The following MAPK4 variants were observed in gnomAD, a reference collection of about 807,000 sequenced individuals.
MAPK4 encodes the protein mitogen-activated protein kinase 4.
In MAPK4, 22 loss-of-function variants were observed where a neutral mutation model predicts 47.7. That is an observed-to-expected ratio of 0.46 (90% CI 0.33 to 0.66). The LOEUF is 0.66. Among genes scored for constraint, MAPK4 ranks in the 30% least tolerant of loss-of-function variants. The probability of loss-of-function intolerance (pLI) is 0.02; values close to 1 mark genes in which losing one functional copy is unlikely to be tolerated. For missense variants in MAPK4, 736 were observed against 831.7 expected, an observed-to-expected ratio of 0.88 and a Z score of 1.42; for synonymous variants, 390 against 365.7, an observed-to-expected ratio of 1.07 and a Z score of -0.76.
At chr18:50,714,495 T>G (rs1223124446) in intron 2 of MAPK4, among the ~76,000 whole-genome samples, 1 of 152,158 alleles carries the variant, frequency 6.6e-6, no homozygotes, top group Non-Finnish European at 1.5e-5. Flanking sequence ...CTGTGTCCAC[T>G]TTGTTGTTCA....
At position 50,729,937 on chromosome 18, in the gene MAPK4, G is replaced by T. The variant is rs1290082089; in HGVS notation, c.*83G>T. ...CTGGCAGGAGGCGGCCGCCCTTCCC[G>T]CCCCTCTCTGCTGCCTTGGGGTTGG... On this transcript the variant is annotated 3_prime_UTR_variant, in exon 6 of 6. Transcript: ENST00000400384. The T allele has an allele frequency of 5.9e-6, 8 of 1,365,814 alleles. No homozygotes were observed. Among genetic ancestry groups the T allele is most frequent in the Non-Finnish European group, 7.8e-6 (8 of 1,021,418 alleles). The allele number at this position is 1,365,814 out of a possible 1,614,324, so 84.6% of individuals were successfully genotyped here. A position where few individuals can be genotyped will look rare whatever the true frequency, so the allele number is the denominator to read the frequency against.
chr18:50,704,508 GTCTC>G (rs1909949393), intron 2 of MAPK4: 1 of 398,448 alleles, frequency 2.5e-6, no homozygotes, highest in South Asian at 1.3e-4. Flanking sequence ...AATCATGTGT[GTCTC>G]TCTCTTATTT....
At chr18:50,681,106 G>A (rs1484527853) in intron 2 of MAPK4, among the ~76,000 whole-genome samples, 1 of 151,934 alleles carries the variant, frequency 6.6e-6, no homozygotes, top group Non-Finnish European at 1.5e-5. Flanking sequence ...CCATCCTAGT[G>A]GATGTGAAGT....
chr18:50,715,533 G>A (rs1191962157), intron 3 of MAPK4, among the ~76,000 whole-genome samples: 2 of 152,146 alleles, frequency 1.3e-5, no homozygotes, highest in South Asian at 2.1e-4. Context: ...ATGCTATTAG[G>A]AGGTGGAGCC....
chr18:50,572,161 T>G (rs1351670582), intron 1 of MAPK4, among the ~76,000 whole-genome samples: 2 of 152,330 alleles, frequency 1.3e-5, no homozygotes, highest in South Asian at 2.1e-4. Context: ...AAGAGGGCTT[T>G]AACGACCCAG....
intron 2 of MAPK4, among the ~76,000 whole-genome samples, chr18:50,671,331 G>A (rs541006110): frequency 1.3e-5 from 2 of 152,196 alleles, no homozygotes; most frequent in Non-Finnish European, 1.5e-5. Flanking sequence ...ACAATTAGGT[G>A]ATACGAACAA....
intron 3 of MAPK4, among the ~76,000 whole-genome samples, chr18:50,716,544 C>G (rs1910644503): frequency 6.6e-6 from 1 of 152,196 alleles, no homozygotes; most frequent in Non-Finnish European, 1.5e-5. Flanking sequence ...TGTTCCAAAC[C>G]ACCGTTGGTA....
chr18:50,689,496 G>C (rs970593289), intron 2 of MAPK4, among the ~76,000 whole-genome samples: 2 of 152,172 alleles, frequency 1.3e-5, no homozygotes, highest in Non-Finnish European at 2.9e-5. Context: ...GATGGGCAGG[G>C]GGAATAGATG....
intron 1 of MAPK4, among the ~76,000 whole-genome samples, chr18:50,566,144 A>G (rs1258716623): frequency 1.3e-5 from 2 of 152,260 alleles, no homozygotes; most frequent in African/African-American, 2.4e-5. Flanking sequence ...AGATTTAACA[A>G]AAATTAAAAA....
At chr18:50,595,016 G>C (rs1474000394) in intron 1 of MAPK4, among the ~76,000 whole-genome samples, 1 of 152,194 alleles carries the variant, frequency 6.6e-6, no homozygotes, top group Non-Finnish European at 1.5e-5. Context: ...ACTATTCACA[G>C]CCACTAGAAT....
intron 1 of MAPK4, among the ~76,000 whole-genome samples, chr18:50,623,905 G>T (rs2042753736): frequency 6.6e-6 from 1 of 152,220 alleles, no homozygotes; most frequent in African/African-American, 2.4e-5. Context: ...TTCTGCCCCA[G>T]GGCCTTTGCA....
chr18:50,572,404 G>T (rs1370482), intron 1 of MAPK4, among the ~76,000 whole-genome samples: 55,011 of 151,934 alleles, frequency 0.36, 10,294 homozygotes, highest in African/African-American at 0.47. Context: ...AGGTCATTAT[G>T]AAGTTTGTTG....
At chr18:50,598,320 A>C (rs746396214) in intron 1 of MAPK4, among the ~76,000 whole-genome samples, 1 of 152,106 alleles carries the variant, frequency 6.6e-6, no homozygotes, top group Non-Finnish European at 1.5e-5. Flanking sequence ...CCAGACAAAC[A>C]GTCCTCCCGC....
chr18:50,584,092 G>A (rs1438148443), intron 1 of MAPK4, among the ~76,000 whole-genome samples: 1 of 152,182 alleles, frequency 6.6e-6, no homozygotes, highest in Non-Finnish European at 1.5e-5. Context: ...GCTCCTTGAG[G>A]ACTGATGCTT....
chr18:50,679,677 T>A (rs2144310378), intron 2 of MAPK4, among the ~76,000 whole-genome samples: 1 of 152,260 alleles, frequency 6.6e-6, no homozygotes, highest in Admixed American at 6.5e-5. Context: ...CGTTCCAGAA[T>A]TTGAGAACTT....
intron 4 of MAPK4, among the ~76,000 whole-genome samples, chr18:50,725,164 G>T (rs941453696): frequency 6.6e-6 from 1 of 152,176 alleles, no homozygotes; most frequent in Non-Finnish European, 1.5e-5. Context: ...ACTCCCCCTT[G>T]ATCCAGACAT....
intron 1 of MAPK4, among the ~76,000 whole-genome samples, chr18:50,652,343 C>T (rs1041304767): frequency 6.6e-6 from 1 of 152,178 alleles, no homozygotes; most frequent in African/African-American, 2.4e-5. Flanking sequence ...GAGCAAAACC[C>T]CTGCAAATGA....
intron 2 of MAPK4, among the ~76,000 whole-genome samples, chr18:50,686,618 G>A (rs1319511970): frequency 6.6e-6 from 1 of 152,214 alleles, no homozygotes; most frequent in Non-Finnish European, 1.5e-5. Context: ...CTGGCTTCCT[G>A]TAGCTTCCTT....
At chr18:50,647,836 C>T (rs541274002) in intron 1 of MAPK4, among the ~76,000 whole-genome samples, 2 of 152,212 alleles carry the variant, frequency 1.3e-5, no homozygotes, top group South Asian at 2.1e-4. Context: ...TTCTAGAGAG[C>T]TAATCCATGA....
Sources: gnomAD v4.1 joint callset for allele counts (sites outside exome capture counted in the v4.1 genomes callset) on GRCh38, gnomAD v4.1.1 for gene constraint, MANE v1.5 for transcripts, NCBI Gene and HGNC (gene_info 2026-07-23, HGNC 2026-07-21) for gene names.